BRAF: variants seen among roughly 807,000 people sequenced by gnomAD.
BRAF encodes the protein B-Raf proto-oncogene, serine/threonine kinase.
In BRAF, 16 loss-of-function variants were observed where a neutral mutation model predicts 104.6. The ratio of observed to expected loss-of-function variants is 0.15; its 90% CI spans 0.10 to 0.23. The LOEUF is 0.23. Ranked by LOEUF, BRAF falls within the 10% of genes least tolerant of loss-of-function variation. The pLI is 1.00. For missense variants in BRAF, 541 were observed against 937.3 expected (o/e 0.58, Z 5.52); for synonymous variants, 310 against 341.6 (o/e 0.91, Z 1.02).
chr7:140,850,032 A>C, intron 2 of BRAF, 79 bp downstream of exon 2: 1 of 1,056,576 alleles, frequency 9.5e-7, no homozygotes, highest in East Asian at 2.4e-5. Flanking sequence ...TAAAATAATC[A>C]AGATTATCAG....
intron 1 of BRAF, among the ~76,000 whole-genome samples, chr7:140,875,472 C>A (rs1586499553): frequency 6.6e-6 from 1 of 152,168 alleles, no homozygotes; most frequent in Admixed American, 6.5e-5. Flanking sequence ...GCCTCCCGGG[C>A]TCAAGCGATT....
At chr7:140,826,000 G>A (rs1283490076) in intron 3 of BRAF, among the ~76,000 whole-genome samples, 1 of 151,780 alleles carries the variant, frequency 6.6e-6, no homozygotes, top group Non-Finnish European at 1.5e-5. Flanking sequence ...CTTACCTTTT[G>A]GAACTCTTTG....
At position 140,721,642 on chromosome 7, in the gene BRAF, C is replaced by T; in HGVS notation, c.*4852G>A. On this transcript the variant is annotated 3_prime_UTR_variant, in exon 20 of 20. Coordinates refer to ENST00000644969, the MANE Select transcript of BRAF (RefSeq NM_001374258.1). ...CACCTGAGGCAGAGATGCTACTACCCTCTTCTGGGGCTCAACTACCGATGG... is the reference window on the plus strand; with the variant it reads ...CACCTGAGGCAGAGATGCTACTACCTTCTTCTGGGGCTCAACTACCGATGG... The T allele has an allele frequency of 6.5e-7, 1 of 1,535,656 alleles. No individual in the cohort carries two copies. The highest frequency in any genetic ancestry group is 8.7e-7 in the Non-Finnish European group (1 of 1,146,600).
At chr7:140,815,687 C>T (rs1804806220) in intron 3 of BRAF, among the ~76,000 whole-genome samples, 1 of 151,978 alleles carries the variant, frequency 6.6e-6, no homozygotes, top group South Asian at 2.1e-4. Flanking sequence ...CCGCCTGCCT[C>T]AGCCTCCCAA....
chr7:140,841,643 C>T (rs1008585630), intron 2 of BRAF, among the ~76,000 whole-genome samples: 2 of 152,064 alleles, frequency 1.3e-5, no homozygotes, highest in Non-Finnish European at 2.9e-5. Flanking sequence ...TCACAAAAGG[C>T]CACATAATAT....
At chr7:140,790,922 C>T (rs1224294305) in intron 8 of BRAF, among the ~76,000 whole-genome samples, 1 of 152,120 alleles carries the variant, frequency 6.6e-6, no homozygotes, top group African/African-American at 2.4e-5. Context: ...GCTTGGCCAA[C>T]ATGGCAAAAC....
rs1818704533 is a variant in BRAF at position 140,924,776 on chromosome 7, G to A, written c.-73C>T. ...GGGGAAGGGAGGCGGAGAGCTGGGG[G>A]AGGCGGAGGCGGAGGCGGAGGCGGA... On this transcript the variant is annotated 5_prime_UTR_variant, in exon 1 of 20. Transcript: ENST00000644969. This position sits in a 1 kb window ranked among gnomAD's most constrained non-coding sequence, Gnocchi z 4.2. The A allele has an allele frequency of 2.1e-6, 1 of 482,350 alleles. No individual in the cohort carries two copies. The allele number at this position is 482,350 out of a possible 1,614,324, so 29.9% of individuals were successfully genotyped here.
chr7:140,765,671 T>C (rs1337294337), intron 14 of BRAF, among the ~76,000 whole-genome samples: 2 of 152,118 alleles, frequency 1.3e-5, no homozygotes, highest in African/African-American at 4.8e-5. Flanking sequence ...AAAGAAGACA[T>C]TTATGCAGCC....
intron 1 of BRAF, among the ~76,000 whole-genome samples, chr7:140,859,313 C>T (rs1036925777): frequency 2.0e-5 from 3 of 152,090 alleles, no homozygotes; most frequent in Non-Finnish European, 4.4e-5. Flanking sequence ...GATGGCTTTC[C>T]CTAGTAAGAC....
chr7:140,758,923 G>A (rs1010580761), intron 14 of BRAF, among the ~76,000 whole-genome samples: 2 of 152,120 alleles, frequency 1.3e-5, no homozygotes, highest in African/African-American at 4.8e-5. Flanking sequence ...ACATTTTTGC[G>A]ATTAGTAACA....
chr7:140,757,536 C>T (rs1292528166), intron 14 of BRAF, among the ~76,000 whole-genome samples: 4 of 152,184 alleles, frequency 2.6e-5, no homozygotes, highest in Non-Finnish European at 5.9e-5. Context: ...GATCTGCCTG[C>T]CTCAGCCTTC....
intron 2 of BRAF, among the ~76,000 whole-genome samples, chr7:140,840,335 A>G (rs562202150): frequency 2.4e-5 from 2 of 83,692 alleles, no homozygotes; most frequent in Non-Finnish European, 4.0e-5. Flanking sequence ...GAAAATAGAT[A>G]AATTGGAATT....
intron 1 of BRAF, among the ~76,000 whole-genome samples, chr7:140,900,547 T>C (rs1232191255): frequency 6.6e-6 from 1 of 152,184 alleles, no homozygotes; most frequent in Non-Finnish European, 1.5e-5. Flanking sequence ...ATAAAATTCA[T>C]CCATATTATT....
At chr7:140,875,045 C>T (rs944577420) in intron 1 of BRAF, among the ~76,000 whole-genome samples, 2 of 152,122 alleles carry the variant, frequency 1.3e-5, no homozygotes, top group African/African-American at 2.4e-5. Context: ...CTATGTTTCC[C>T]GTACAGTCCG....
Position 140,903,807 on chromosome 7 carries a change from T to C in BRAF, c.138+20759A>G, listed in dbSNP as rs77855440. 7.7e-3 allele frequency among the ~76,000 whole-genome samples: 1,170 copies of C among 152,300 alleles called. 18 individuals are homozygous for C. Among genetic ancestry groups the C allele is most frequent in the African/African-American group, 0.027 (1,106 of 41,544 alleles). ...AGAAGTTGATTCTAACCCTCATGGA[T>C]GACTTTGAGTTCAAAACTTCAATGG... On this transcript the variant is annotated intron_variant, in intron 1 of 19. Coordinates refer to ENST00000644969, the MANE Select transcript of BRAF (RefSeq NM_001374258.1).
chr7:140,873,825 T>C (rs1487988199), intron 1 of BRAF, among the ~76,000 whole-genome samples: 1 of 152,134 alleles, frequency 6.6e-6, no homozygotes, highest in Non-Finnish European at 1.5e-5. Flanking sequence ...GCCTGAAGTT[T>C]GAATATACTC....
downstream of BRAF, among the ~76,000 whole-genome samples, chr7:140,718,125 C>G (rs572467006): frequency 1.7e-4 from 26 of 152,320 alleles, no homozygotes; most frequent in African/African-American, 6.3e-4. Flanking sequence ...GACAGAGTCT[C>G]GCTCTGTTGC....
chr7:140,796,676 T>A (rs781011734), intron 7 of BRAF, among the ~76,000 whole-genome samples: 5 of 152,230 alleles, frequency 3.3e-5, no homozygotes, highest in Non-Finnish European at 5.9e-5. Flanking sequence ...TGGTATCTAA[T>A]AGTTGTGTCT....
Position 140,749,409 on chromosome 7 carries a change from C to T in BRAF, c.1990G>A (p.Val664Ile), listed in dbSNP as rs781330698. Residue 664 changes from valine (V) to isoleucine (I), a missense_variant, in exon 17 of 20, where the codon GTC (valine) becomes ATC (isoleucine). Coordinates refer to ENST00000644969, the MANE Select transcript of BRAF (RefSeq NM_001374258.1). ...GGATTTTTATCTTGCATTCTGATGA[C>T]TTCTGGTGCCTGTTAGAACATACAA... ...SGSILWMAPE[V>I]IRMQDKNPYS... 5 of 1,612,980 alleles carry T rather than the reference C, an allele frequency of 3.1e-6. No individual in the cohort carries two copies. Among genetic ancestry groups the T allele is most frequent in the African/African-American group, 2.7e-5 (2 of 74,972 alleles).
Sources: allele counts gnomAD v4.1 joint callset (sites outside exome capture counted in the v4.1 genomes callset), GRCh38; gene constraint gnomAD v4.1.1; non-coding constraint Gnocchi (gnomAD v3.1); transcripts MANE v1.5; gene names NCBI Gene and HGNC (gene_info 2026-07-23, HGNC 2026-07-21).